The following SPTAN1 variants were observed in gnomAD, a reference collection of about 807,000 sequenced individuals.
SPTAN1 encodes the protein spectrin alpha, non-erythrocytic 1.
Under a neutral mutation model 331.3 loss-of-function variants are expected in SPTAN1, and 61 were observed. That is an observed-to-expected ratio of 0.18 (90% CI 0.15 to 0.23). SPTAN1 has a LOEUF of 0.23. Among genes scored for constraint, SPTAN1 ranks in the 10% least tolerant of loss-of-function variants. The pLI, the probability that SPTAN1 is intolerant of heterozygous loss-of-function variation, is 1.00. For missense variants in SPTAN1, 2,043 were observed against 3,147.9 expected (o/e 0.65, Z 8.40); for synonymous variants, 1,153 against 1,173.9 (o/e 0.98, Z 0.36).
At chr9:128,591,840 A>C (rs1220903214) in intron 22 of SPTAN1, among the ~76,000 whole-genome samples, 1 of 152,090 alleles carries the variant, frequency 6.6e-6, no homozygotes, top group Non-Finnish European at 1.5e-5. Flanking sequence ...ACCAGTGTTC[A>C]TGAGTTTTTC....
Position 128,568,230 on chromosome 9 carries a change from A to G in SPTAN1, c.238-542A>G, listed in dbSNP as rs375135650. On this transcript the variant is annotated intron_variant, in intron 2 of 56. Coordinates refer to ENST00000372739, the MANE Select transcript of SPTAN1 (RefSeq NM_001130438.3). Reference sequence around the variant, plus strand: ...AGAAGAGAATGAAGAACACTGCTTTAGGTACAATCCCTGCCTGGCAGGCCC... The same window carrying G: ...AGAAGAGAATGAAGAACACTGCTTTGGGTACAATCCCTGCCTGGCAGGCCC... Among the ~76,000 whole-genome samples, 22 of 152,336 alleles carry G rather than the reference A, an allele frequency of 1.4e-4. No individual in the cohort carries two copies. The East Asian group carries it at 3.1e-3, about 21-fold the overall frequency.
At chr9:128,603,073 C>T (rs868474446) in intron 27 of SPTAN1, among the ~76,000 whole-genome samples, 4 of 152,096 alleles carry the variant, frequency 2.6e-5, no homozygotes, top group African/African-American at 9.7e-5. Context: ...TGCCCTTCAA[C>T]GGGGATACGG....
chr9:128,597,357 C>A (rs1854449609), intron 24 of SPTAN1, among the ~76,000 whole-genome samples: 1 of 151,948 alleles, frequency 6.6e-6, no homozygotes, highest in Non-Finnish European at 1.5e-5. Context: ...TTAAAAAAGT[C>A]TCTATTTGAT....
chr9:128,589,006 G>C, intron 21 of SPTAN1, 63 bp downstream of exon 21: 1 of 1,593,312 alleles, frequency 6.3e-7, no homozygotes, highest in South Asian at 1.1e-5. Flanking sequence ...TGCTCAGTTG[G>C]GTTTCTGTGG....
chr9:128,604,950 A>T (rs1855631829), intron 29 of SPTAN1, 84 bp from the exon 30 acceptor site: 1 of 1,340,722 alleles, frequency 7.5e-7, no homozygotes, highest in African/African-American at 1.5e-5. Flanking sequence ...AAATAAATAA[A>T]TAAATAAATA....
chr9:128,608,695 A>G (rs569795061), intron 34 of SPTAN1, among the ~76,000 whole-genome samples, 179 bp from the exon 35 acceptor site: 1 of 152,364 alleles, frequency 6.6e-6, no homozygotes, highest in East Asian at 1.9e-4. Flanking sequence ...CTAGTAATGA[A>G]TGAAATCAAG....
At chr9:128,579,368 G>C (rs1287705315) in intron 9 of SPTAN1, among the ~76,000 whole-genome samples, 2 of 152,208 alleles carry the variant, frequency 1.3e-5, no homozygotes, top group African/African-American at 4.8e-5. Flanking sequence ...TGGAATGAAA[G>C]AGAGCTCAGA....
At chr9:128,557,964 C>T (rs941345873) in intron 1 of SPTAN1, among the ~76,000 whole-genome samples, 32 of 152,158 alleles carry the variant, frequency 2.1e-4, no homozygotes, top group African/African-American at 6.3e-4. Flanking sequence ...CCACCACGCC[C>T]GGCTAATTTT....
Position 128,632,310 on chromosome 9 carries a change from C to T in SPTAN1, c.6946C>T (p.Gln2316Ter). ...GCGCATGCAGCACAACCTGGAGCAG[C>T]AGATCCAGGCCAGGTACCCGGGAGG... ...GMRMQHNLEQ[Q>*]IQARNTTGVT... is the part of the protein sequence containing the mutation. The change falls in exon 53 of 57, where the codon CAG becomes TAG. Residue 2316 changes from glutamine (Q) to a stop codon, truncating the protein, a stop_gained. Transcript: ENST00000372739. LOFTEE classifies it high-confidence loss of function. 6.2e-7 allele frequency: 1 copy of T among 1,613,592 alleles called. No homozygotes were observed. Among genetic ancestry groups the T allele is most frequent in the Non-Finnish European group, 8.5e-7 (1 of 1,179,970 alleles).
chr9:128,613,812 C>T lies in SPTAN1; in HGVS notation c.5148+327C>T, dbSNP rs138576972. Among the ~76,000 whole-genome samples, 499 of 150,878 alleles carry T rather than the reference C, an allele frequency of 3.3e-3. 3 individuals carry two copies. Among genetic ancestry groups the T allele is most frequent in the African/African-American group, 0.011 (466 of 41,118 alleles). On this transcript the variant is annotated intron_variant, in intron 40 of 56. Transcript: ENST00000372739. ...TGAGGTCAGGAGTTCGAGACCACTC[C>T]GGCCAACGTGGTGAGACCTCCGTCT... is the stretch of plus-strand genomic sequence containing the variant.
intron 1 of SPTAN1, among the ~76,000 whole-genome samples, chr9:128,565,344 G>C (rs1057088807): frequency 7.2e-5 from 11 of 152,280 alleles, no homozygotes; most frequent in African/African-American, 2.6e-4. Context: ...GGAGTGGCAT[G>C]GCGAAGAATG....
At chr9:128,603,788 C>T (rs1301051848) in intron 28 of SPTAN1, among the ~76,000 whole-genome samples, 198 bp downstream of exon 28, 3 of 152,208 alleles carry the variant, frequency 2.0e-5, no homozygotes, top group Admixed American at 6.5e-5. Context: ...TGGTCAAGAG[C>T]CTGCCAGTTC....
At chr9:128,570,091 A>G (rs565816663) in intron 3 of SPTAN1, among the ~76,000 whole-genome samples, 1 of 152,188 alleles carries the variant, frequency 6.6e-6, no homozygotes, top group African/African-American at 2.4e-5. Flanking sequence ...GTCTTAGAGT[A>G]AATGAAATCA....
chr9:128,561,834 C>G (rs1001075519), intron 1 of SPTAN1, among the ~76,000 whole-genome samples: 2 of 151,960 alleles, frequency 1.3e-5, no homozygotes, highest in Non-Finnish European at 2.9e-5. Flanking sequence ...AATTATAAAA[C>G]GATGGCAGTT....
Position 128,593,367 on chromosome 9 carries a change from A to G in SPTAN1, c.3215+325A>G. 4 of 396,352 alleles carry G rather than the reference A, an allele frequency of 1.0e-5. No individual in the cohort carries two copies. In the South Asian group the frequency reaches 1.1e-4, roughly 11 times the overall value. The allele number at this position is 396,352 out of a possible 1,614,324, so 24.6% of individuals were successfully genotyped here. A position where few individuals can be genotyped will look rare whatever the true frequency, so the allele number is the denominator to read the frequency against. The stretch of plus-strand genomic sequence containing the variant: ...CTGTTCTATAGTTTTCCTTAGTAGG[A>G]AGGAAATCATATGCTTCTCTTAAAG... On this transcript the variant is annotated intron_variant, in intron 23 of 56. Transcript: ENST00000372739.
chr9:128,627,865 A>G lies in SPTAN1; in HGVS notation c.6690-60A>G. 1 of 1,599,786 alleles carries G rather than the reference A, an allele frequency of 6.3e-7. No individual in the cohort carries two copies. ...CTTGTGTCTTCTCTCTGTCCCCCCGATTGCTGCTGTTGTCCGGACACCACC... is the reference window on the plus strand; with the variant it reads ...CTTGTGTCTTCTCTCTGTCCCCCCGGTTGCTGCTGTTGTCCGGACACCACC... On this transcript the variant is annotated intron_variant, in intron 50 of 56. Transcript: ENST00000372739. This position sits in a 1 kb window ranked among gnomAD's most constrained non-coding sequence, Gnocchi z 4.9.
In SPTAN1 at chr9:128,618,094, G is replaced by C; in HGVS notation, c.5586G>C (p.Gln1862His). ...TGGAGCACTGGAAAGAGCTGAAGCA[G>C]CTGGCAGCTGCCCGGTGAGTAGTCA... ...QFVEHWKELK[Q>H]LAAARGQRLE... The change falls in exon 43 of 57, where the codon CAG becomes CAC. Residue 1862 changes from glutamine (Q) to histidine (H), a missense_variant. Gln to His is a conservative substitution (Grantham distance 24). Around this residue, in one of 12 missense-constraint regions of SPTAN1, gnomAD observed 323 missense variants for 581.1 expected, o/e 0.56. Coordinates refer to ENST00000372739, the MANE Select transcript of SPTAN1 (RefSeq NM_001130438.3). 1 of 1,613,610 alleles carries C rather than the reference G, an allele frequency of 6.2e-7. No individual in the cohort carries two copies. The highest frequency in any genetic ancestry group is 8.5e-7 in the Non-Finnish European group (1 of 1,179,934).
chr9:128,557,799 CTTTTT>C (rs72214808), intron 1 of SPTAN1, among the ~76,000 whole-genome samples: 5 of 84,994 alleles, frequency 5.9e-5, no homozygotes, highest in African/African-American at 1.3e-4. Context: ...TTAGAAATTT[CTTTTT>C]TTTTTTTTTT....
Position 128,566,988 on chromosome 9 carries a change from TCTC to T in SPTAN1, c.237+14_237+16del. ...CCAACCAACTTGCAGGTACGTCTGA[TCTC>T]CTGGGATTCCTGCCAAAATTCAAGA... On this transcript the variant is annotated intron_variant, in intron 2 of 56. Coordinates refer to ENST00000372739, the MANE Select transcript of SPTAN1 (RefSeq NM_001130438.3). 1 of 1,613,854 alleles carries T rather than the reference TCTC, an allele frequency of 6.2e-7. No homozygotes were observed. The highest frequency in any genetic ancestry group is 8.5e-7 in the Non-Finnish European group (1 of 1,180,018).
Sources: gnomAD v4.1 joint callset for allele counts (sites outside exome capture counted in the v4.1 genomes callset) on GRCh38, gnomAD v4.1.1 for gene constraint, gnomAD v4.1.1 regional missense constraint, Gnocchi (gnomAD v3.1) non-coding constraint, MANE v1.5 for transcripts, NCBI Gene and HGNC (gene_info 2026-07-23, HGNC 2026-07-21) for gene names.